The following FMO4 variants were observed in gnomAD, a reference collection of about 807,000 sequenced individuals.
FMO4 encodes the protein flavin containing dimethylaniline monoxygenase 4, also known as dimethylaniline monooxygenase [N-oxide-forming] 4.
A neutral mutation model predicts 43.3 loss-of-function variants in FMO4; 38 were observed. The ratio of observed to expected loss-of-function variants is 0.88; its 90% CI spans 0.68 to 1.15. The LOEUF (loss-of-function observed/expected upper bound fraction) is 1.15. Ranked by LOEUF, FMO4 falls within the 50% of genes most tolerant of loss-of-function variation. The pLI is 0.00. For missense variants in FMO4, 631 were observed against 663.3 expected, an observed-to-expected ratio of 0.95 and a Z score of 0.54; for synonymous variants, 224 against 232.2, an observed-to-expected ratio of 0.96 and a Z score of 0.32.
At chr1:171,327,460 T>C (rs1662715425) in intron 5 of FMO4, among the ~76,000 whole-genome samples, 1 of 152,286 alleles carries the variant, frequency 6.6e-6, no homozygotes, top group African/African-American at 2.4e-5. Flanking sequence ...GTTTGGTTGG[T>C]TGGTTTTTGT....
At chr1:171,340,623 A>G (rs2101912076) in intron 9 of FMO4, among the ~76,000 whole-genome samples, 1 of 152,218 alleles carries the variant, frequency 6.6e-6, no homozygotes, top group South Asian at 2.1e-4. Context: ...ATTTCTTTTT[A>G]ATTATTTTAA....
Position 171,341,513 on chromosome 1 carries a change from T to C in FMO4, c.1351T>C (p.Phe451Leu), listed in dbSNP as rs779320943. 6.2e-7 allele frequency: 1 copy of C among 1,614,036 alleles called. No homozygotes were observed. Among genetic ancestry groups the C allele is most frequent in the Non-Finnish European group, 8.5e-7 (1 of 1,179,960 alleles). The change falls in exon 10 of 10, where the codon TTC becomes CTC. Residue 451 changes from phenylalanine (F) to leucine (L), a missense_variant. Physicochemically the swap from Phe to Leu is conservative, Grantham distance 22. Transcript: ENST00000367749. ...CACAAAGCCCAGCATCCCACTTCTG[T>C]TCCTCAAGGATCCCAGACTAGCTTG... is the stretch of plus-strand genomic sequence containing the variant. ...IGTKPSIPLL[F>L]LKDPRLAWEV...
At chr1:171,332,967 T>C (rs1002745151) in intron 7 of FMO4, 59 bp downstream of exon 7, 3 of 826,264 alleles carry the variant, frequency 3.6e-6, no homozygotes, top group Admixed American at 2.1e-5. Flanking sequence ...CATTACATTT[T>C]ATTCAGAATT....
At chr1:171,321,880 G>A (rs750834548) in intron 3 of FMO4, among the ~76,000 whole-genome samples, 1 of 152,086 alleles carries the variant, frequency 6.6e-6, no homozygotes, top group Non-Finnish European at 1.5e-5. Context: ...GATGCAGCAG[G>A]GCCGCATCAG....
chr1:171,315,876 A>G (rs1434400160), intron 1 of FMO4, among the ~76,000 whole-genome samples: 4 of 152,212 alleles, frequency 2.6e-5, no homozygotes, highest in African/African-American at 9.6e-5. Context: ...ACAGGCCAGG[A>G]GAGTGCAAGC....
chr1:171,330,250 T>G (rs889675627), intron 5 of FMO4, among the ~76,000 whole-genome samples: 3 of 152,250 alleles, frequency 2.0e-5, no homozygotes, highest in Non-Finnish European at 4.4e-5. Context: ...TCTTTCAGAT[T>G]CTTTGTCAAT....
At chr1:171,316,676 T>C (rs903492242) in intron 2 of FMO4, among the ~76,000 whole-genome samples, 2 of 152,138 alleles carry the variant, frequency 1.3e-5, no homozygotes, top group African/African-American at 4.8e-5. Context: ...CTCAACTAAA[T>C]AGGGACTCCC....
intron 9 of FMO4, 118 bp downstream of exon 9, chr1:171,337,543 A>G: frequency 1.4e-6 from 1 of 712,578 alleles, no homozygotes; most frequent in Non-Finnish European, 2.5e-6. Context: ...ATAACTCTGC[A>G]TTAGGAATCA....
At chr1:171,325,817 C>A (rs866610583) in intron 5 of FMO4, among the ~76,000 whole-genome samples, 1 of 50,988 alleles carries the variant, frequency 2.0e-5, no homozygotes. Context: ...ATAGACTATC[C>A]TTTTTTTTTT....
At position 171,319,996 on chromosome 1, in the gene FMO4, T is replaced by G. The variant is rs375149740; in HGVS notation, c.132+39T>G. The G allele has an allele frequency of 8.1e-6, 13 of 1,610,776 alleles. No homozygotes were observed. In the African/African-American group the frequency reaches 1.7e-4, roughly 22 times the overall value. On this transcript the variant is annotated intron_variant, in intron 3 of 9. Transcript: ENST00000367749. ...CTCTATCAGTCATGATCTGGCCATTTGCTTTGTCTCTGCTCAGACATGGTG... is the reference window on the plus strand; with the variant it reads ...CTCTATCAGTCATGATCTGGCCATTGGCTTTGTCTCTGCTCAGACATGGTG...
At chr1:171,336,785 T>C (rs947266579) in intron 8 of FMO4, among the ~76,000 whole-genome samples, 1 of 152,056 alleles carries the variant, frequency 6.6e-6, no homozygotes, top group Non-Finnish European at 1.5e-5. Flanking sequence ...TTATTTTTTG[T>C]AGAAAGAATA....
Position 171,324,292 on chromosome 1 carries a change from C to T in FMO4, c.476C>T (p.Ala159Val). 1 of 1,605,274 alleles carries T rather than the reference C, an allele frequency of 6.2e-7. No individual in the cohort carries two copies. Among genetic ancestry groups the T allele is most frequent in the Non-Finnish European group, 8.5e-7 (1 of 1,175,736 alleles). Residue 159 changes from alanine (A) to valine (V), a missense_variant, in exon 5 of 10, where the codon GCC (alanine) becomes GTC (valine). Ala to Val is a moderately conservative substitution (Grantham distance 64). Transcript: ENST00000367749. ...HFLNPHLPLE[A>V]FPGIHKFKGQ... is the part of the protein sequence containing the mutation. ...CTGAATCCCCATTTACCTTTGGAAG[C>T]CTTTCCTGGTGAGTCATTTCTACCT...
chr1:171,318,218 G>A (rs1254414992), intron 2 of FMO4, among the ~76,000 whole-genome samples: 1 of 152,130 alleles, frequency 6.6e-6, no homozygotes, highest in East Asian at 1.9e-4. Context: ...TTGGGAGGCT[G>A]AGGCATAAGA....
intron 3 of FMO4, 133 bp downstream of exon 3, chr1:171,320,090 C>A: frequency 2.2e-6 from 2 of 907,904 alleles, no homozygotes; most frequent in Non-Finnish European, 3.5e-6. Flanking sequence ...GTGCATAATG[C>A]AGTGTTAAAC....
intron 7 of FMO4, 169 bp downstream of exon 7, chr1:171,333,077 T>C (rs550344400): frequency 3.8e-4 from 195 of 512,946 alleles, no homozygotes; most frequent in African/African-American, 3.4e-3. Context: ...TTTTAAAATA[T>C]ATGTATTCTC....
chr1:171,324,411 C>A, intron 5 of FMO4, 111 bp downstream of exon 5: 1 of 791,164 alleles, frequency 1.3e-6, no homozygotes, highest in African/African-American at 1.7e-5. Flanking sequence ...GCTTTATATT[C>A]ATTCTCAAAA....
In FMO4 at chr1:171,316,252, C is replaced by G. The variant is rs771042764; in HGVS notation, c.-84C>G. On this transcript the variant is annotated 5_prime_UTR_variant, in exon 2 of 10. Coordinates refer to ENST00000367749, the MANE Select transcript of FMO4 (RefSeq NM_002022.3). ...CTAGTGGCCTGGAAATTCAAGTATT[C>G]TTATTGGTGGAGGCCATTTGTTTCT... is the stretch of plus-strand genomic sequence containing the variant. The G allele has an allele frequency of 3.9e-5, 6 of 152,162 alleles. No homozygotes were observed. Among genetic ancestry groups the G allele is most frequent in the Admixed American group, 1.3e-4 (2 of 15,270 alleles). 9.4% of individuals were successfully genotyped at this position (152,162 alleles called of 1,614,324 possible). A position where few individuals can be genotyped will look rare whatever the true frequency, so the allele number is the denominator to read the frequency against.
At chr1:171,314,516 A>C (rs1325119743) in intron 1 of FMO4, 103 bp downstream of exon 1, 1 of 152,090 alleles carries the variant, frequency 6.6e-6, no homozygotes, top group East Asian at 1.9e-4. Context: ...AATGAATGTG[A>C]TTATCTTCTT....
chr1:171,332,685 T>C (rs1662951147), intron 6 of FMO4, 24 bp from the exon 7 acceptor site: 4 of 1,586,082 alleles, frequency 2.5e-6, no homozygotes, highest in Admixed American at 1.7e-5. Context: ...TTATTTATCC[T>C]TCTTGCCTTA....
Sources: allele counts gnomAD v4.1 joint callset (sites outside exome capture counted in the v4.1 genomes callset), GRCh38; gene constraint gnomAD v4.1.1; transcripts MANE v1.5; gene names NCBI Gene and HGNC (gene_info 2026-07-23, HGNC 2026-07-21).